Variants in TRABD2B observed in about 807,000 individuals in gnomAD.
TRABD2B encodes the protein TraB domain containing 2B.
In TRABD2B, 14 loss-of-function variants were observed where a neutral mutation model predicts 40.1. The observed-to-expected ratio is 0.35, with a 90% CI of 0.23 to 0.55. TRABD2B has a LOEUF of 0.55. Ranked by LOEUF, TRABD2B falls within the 20% of genes least tolerant of loss-of-function variation. The probability of loss-of-function intolerance (pLI) is 0.90; values close to 1 mark genes in which losing one functional copy is unlikely to be tolerated. For missense variants in TRABD2B, 541 were observed against 648.6 expected (o/e 0.83, Z 1.80); for synonymous variants, 263 against 277.0 (o/e 0.95, Z 0.50).
At chr1:47,973,581 T>C (rs1645712177) in intron 2 of TRABD2B, among the ~76,000 whole-genome samples, 1 of 152,122 alleles carries the variant, frequency 6.6e-6, no homozygotes, top group Admixed American at 6.5e-5. Context: ...TGGACCAAAA[T>C]GTGCAAGTGC....
intron 4 of TRABD2B, among the ~76,000 whole-genome samples, chr1:47,779,616 C>T (rs1644493509): frequency 6.6e-6 from 1 of 152,048 alleles, no homozygotes; most frequent in Non-Finnish European, 1.5e-5. Context: ...ACAGGAGGTG[C>T]TGGGAGTCAA....
Position 47,810,275 on chromosome 1 carries a change from G to A in TRABD2B, c.667-8656C>T, listed in dbSNP as rs1644946765. On this transcript the variant is annotated intron_variant, in intron 2 of 6. Transcript: ENST00000606738. ...GCTGGAGTGCAGTGGTGCGATCTCT[G>A]CTTGCTGCAGCCTGAGCCTCCTGGA... Among the ~76,000 whole-genome samples the A allele has an allele frequency of 1.3e-5, 2 of 152,034 alleles. 1 individual carries two copies. The highest frequency in any genetic ancestry group is 4.8e-5 in the African/African-American group (2 of 41,378).
chr1:47,811,343 C>T (rs562854355), intron 2 of TRABD2B, among the ~76,000 whole-genome samples: 26 of 152,290 alleles, frequency 1.7e-4, no homozygotes, highest in Admixed American at 9.8e-4. Flanking sequence ...TCGCCTGCCC[C>T]GTGGACTTGG....
intron 2 of TRABD2B, chr1:47,819,872 G>A (rs1307832901): frequency 6.6e-6 from 1 of 152,062 alleles, no homozygotes; most frequent in African/African-American, 2.4e-5. Context: ...GAGACACTGG[G>A]GTAAATTCTC....
chr1:47,992,071 A>G (rs1042796049), intron 2 of TRABD2B, among the ~76,000 whole-genome samples: 1 of 152,182 alleles, frequency 6.6e-6, no homozygotes, highest in Non-Finnish European at 1.5e-5. Flanking sequence ...GGGTATGGAG[A>G]TTAGGGAACT....
intron 2 of TRABD2B, among the ~76,000 whole-genome samples, chr1:47,932,356 G>A (rs1464020382): frequency 6.6e-6 from 1 of 152,176 alleles, no homozygotes; most frequent in East Asian, 1.9e-4. Context: ...CAAAAGTGGT[G>A]GCAAAGCAGA....
At chr1:47,892,666 C>T (rs144130794) in intron 2 of TRABD2B, among the ~76,000 whole-genome samples, 1 of 152,260 alleles carries the variant, frequency 6.6e-6, no homozygotes, top group East Asian at 1.9e-4. Context: ...GAGTGAAGGA[C>T]ATATTTCAAG....
intron 2 of TRABD2B, among the ~76,000 whole-genome samples, chr1:47,907,626 G>A (rs1172587349): frequency 6.6e-6 from 1 of 152,186 alleles, no homozygotes; most frequent in African/African-American, 2.4e-5. Context: ...TCAGGAGGGA[G>A]AAGCCAGTTG....
At chr1:47,950,009 G>A (rs1392224614) in intron 2 of TRABD2B, among the ~76,000 whole-genome samples, 1 of 152,120 alleles carries the variant, frequency 6.6e-6, no homozygotes, top group Non-Finnish European at 1.5e-5. Context: ...AGGTAGGCGG[G>A]GCACAGTGGC....
At chr1:47,854,109 T>C (rs1242559878) in intron 2 of TRABD2B, among the ~76,000 whole-genome samples, 1 of 152,248 alleles carries the variant, frequency 6.6e-6, no homozygotes, top group African/African-American at 2.4e-5. Flanking sequence ...TCAACTCTGC[T>C]ACTTACTAGC....
chr1:47,797,496 A>G (rs1013561797), intron 3 of TRABD2B, among the ~76,000 whole-genome samples: 2 of 152,064 alleles, frequency 1.3e-5, no homozygotes, highest in African/African-American at 2.4e-5. Context: ...CCCTCCTCCT[A>G]TGCTTCCTGA....
chr1:47,873,063 G>T (rs1014324256), intron 2 of TRABD2B, among the ~76,000 whole-genome samples: 54 of 152,140 alleles, frequency 3.5e-4, no homozygotes, highest in African/African-American at 1.2e-3. Context: ...GTCCTCACTG[G>T]TGGAAGGGGC....
At chr1:47,970,985 G>A (rs963562903) in intron 2 of TRABD2B, among the ~76,000 whole-genome samples, 1 of 152,198 alleles carries the variant, frequency 6.6e-6, no homozygotes, top group Non-Finnish European at 1.5e-5. Flanking sequence ...AAGTGACATC[G>A]TCAAACTCTA....
At chr1:47,920,824 G>A (rs1387574653) in intron 2 of TRABD2B, among the ~76,000 whole-genome samples, 1 of 152,166 alleles carries the variant, frequency 6.6e-6, no homozygotes, top group East Asian at 1.9e-4. Context: ...GGGAGATCTG[G>A]AGGACCTCTT....
chr1:47,971,868 TATA>T (rs992632482), intron 2 of TRABD2B, among the ~76,000 whole-genome samples: 6 of 152,168 alleles, frequency 3.9e-5, no homozygotes, highest in Non-Finnish European at 8.8e-5. Flanking sequence ...GATTAAATGT[TATA>T]ATAAGGATTT....
intron 2 of TRABD2B, among the ~76,000 whole-genome samples, chr1:47,944,864 A>G (rs1428657949): frequency 2.0e-5 from 3 of 152,198 alleles, no homozygotes; most frequent in Admixed American, 1.3e-4. Context: ...ACTTCCCGGG[A>G]GGGAACATCT....
At chr1:47,785,750 C>T (rs1644586930) in intron 4 of TRABD2B, among the ~76,000 whole-genome samples, 1 of 152,222 alleles carries the variant, frequency 6.6e-6, no homozygotes, top group South Asian at 2.1e-4. Flanking sequence ...AGGCAGTGCT[C>T]AGCCAGGGAT....
intron 2 of TRABD2B, among the ~76,000 whole-genome samples, chr1:47,970,508 C>T: frequency 6.6e-6 from 1 of 152,184 alleles, no homozygotes; most frequent in East Asian, 1.9e-4. Flanking sequence ...CCCTCATTCC[C>T]TCTTTCCCTC....
At chr1:47,831,519 G>A (rs1180821268) in intron 2 of TRABD2B, among the ~76,000 whole-genome samples, 1 of 152,170 alleles carries the variant, frequency 6.6e-6, no homozygotes, top group Non-Finnish European at 1.5e-5. Flanking sequence ...GCCTCACAGG[G>A]TGTGTGCTCT....
Sources: allele counts gnomAD v4.1 joint callset (sites outside exome capture counted in the v4.1 genomes callset), GRCh38; gene constraint gnomAD v4.1.1; transcripts MANE v1.5; gene names NCBI Gene and HGNC (gene_info 2026-07-23, HGNC 2026-07-21).